SLC6A11: variants seen among roughly 807,000 people sequenced by gnomAD.
SLC6A11 encodes sodium- and chloride-dependent GABA transporter 3.
SLC6A11 carries 25 observed loss-of-function variants against 74.8 expected under a neutral mutation model. The observed-to-expected ratio is 0.33, with a 90% CI of 0.24 to 0.47. SLC6A11 has a LOEUF of 0.47. Among genes scored for constraint, SLC6A11 ranks in the 20% least tolerant of loss-of-function variants. The pLI is 1.00. For missense variants in SLC6A11, 574 were observed against 837.0 expected, an observed-to-expected ratio of 0.69 and a Z score of 3.88; for synonymous variants, 330 against 330.2, an observed-to-expected ratio of 1.00 and a Z score of 0.01.
intron 4 of SLC6A11, among the ~76,000 whole-genome samples, chr3:10,842,299 G>A (rs980546989): frequency 6.6e-6 from 1 of 152,128 alleles, no homozygotes; most frequent in Non-Finnish European, 1.5e-5. Context: ...TACTTCTGTG[G>A]TGCTCAAGCC....
chr3:10,905,036 AT>A (rs1235971218), intron 6 of SLC6A11, among the ~76,000 whole-genome samples: 2 of 152,166 alleles, frequency 1.3e-5, no homozygotes, highest in Non-Finnish European at 2.9e-5. Context: ...TGGTTCATGA[AT>A]GTTCTGTTAG....
chr3:10,863,748 G>A (rs778362861), intron 5 of SLC6A11, among the ~76,000 whole-genome samples: 10 of 152,176 alleles, frequency 6.6e-5, no homozygotes, highest in African/African-American at 9.7e-5. Flanking sequence ...CTCAGGTGAA[G>A]GGTGACATGA....
intron 6 of SLC6A11, among the ~76,000 whole-genome samples, chr3:10,904,009 A>G (rs1156879126): frequency 6.6e-6 from 1 of 152,232 alleles, no homozygotes; most frequent in Non-Finnish European, 1.5e-5. Context: ...GTTTCCAGCA[A>G]CCTACCTGTG....
intron 6 of SLC6A11, among the ~76,000 whole-genome samples, chr3:10,890,061 CT>C (rs1475222714): frequency 2.6e-5 from 4 of 152,134 alleles, no homozygotes; most frequent in Admixed American, 6.5e-5. Flanking sequence ...CTCAGTTCCT[CT>C]GTTTCATTAG....
rs548247884 is a variant in SLC6A11, at chr3:10,935,194, C to A, written c.1741C>A (p.Pro581Thr). The change falls in exon 13 of 14, where the codon CCC (proline) becomes ACC (threonine). Residue 581 changes from proline (P) to threonine (T), a missense_variant. Physicochemically the swap from Pro to Thr is conservative, Grantham distance 38 (BLOSUM62 -1). Around this residue, in one of 4 missense-constraint regions of SLC6A11, gnomAD observed 257 missense variants for 341.5 expected, o/e 0.75. Transcript: ENST00000254488. ...ITVWKTEGTLPEKLQKLTTPS... is the reference protein window; with the variant it reads ...ITVWKTEGTLTEKLQKLTTPS... ...AGTGTGGAAGACGGAGGGGACACTGCCCGAGGTGAGACCGCCCCAGGAGGG... is the reference window on the plus strand; with the variant it reads ...AGTGTGGAAGACGGAGGGGACACTGACCGAGGTGAGACCGCCCCAGGAGGG... 1.2e-6 allele frequency: 2 copies of A among 1,613,930 alleles called. No homozygotes were observed. Among genetic ancestry groups the A allele is most frequent in the Middle Eastern group, 1.7e-4 (1 of 6,060 alleles).
chr3:10,886,772 A>G (rs1695047068), intron 6 of SLC6A11, among the ~76,000 whole-genome samples: 1 of 149,970 alleles, frequency 6.7e-6, no homozygotes, highest in Non-Finnish European at 1.5e-5. Context: ...ATGCCACTGC[A>G]TTCCAGCCTG....
chr3:10,928,571 T>C (rs1186370551), intron 9 of SLC6A11, among the ~76,000 whole-genome samples: 1 of 152,156 alleles, frequency 6.6e-6, no homozygotes, highest in African/African-American at 2.4e-5. Flanking sequence ...ATACAGATGC[T>C]TAGTGGCTCA....
In SLC6A11 at chr3:10,933,290, C is replaced by T. The variant is rs1164451821; in HGVS notation, c.1474+37C>T. 11 of 1,422,226 alleles carry T rather than the reference C, an allele frequency of 7.7e-6. No individual in the cohort carries two copies. The African/African-American group carries it at 1.1e-4, about 15-fold the overall frequency. 88.1% of individuals were successfully genotyped at this position (1,422,226 alleles called of 1,614,324 possible). A position where few individuals can be genotyped will look rare whatever the true frequency, so the allele number is the denominator to read the frequency against. ...CCAAGCCCGTCCACACCCCAGCTGC[C>T]CACCAGGTACCCAGGATCCTGGTGC... is the stretch of plus-strand genomic sequence containing the variant. On this transcript the variant is annotated intron_variant, in intron 11 of 13. Transcript: ENST00000254488.
At chr3:10,901,335 C>G (rs1695237661) in intron 6 of SLC6A11, among the ~76,000 whole-genome samples, 1 of 152,234 alleles carries the variant, frequency 6.6e-6, no homozygotes, top group Non-Finnish European at 1.5e-5. Context: ...TGGGCAAAAG[C>G]CCAGCCACAG....
intron 4 of SLC6A11, among the ~76,000 whole-genome samples, chr3:10,841,067 G>C (rs1694431177): frequency 6.6e-6 from 1 of 152,144 alleles, no homozygotes; most frequent in East Asian, 1.9e-4. Flanking sequence ...GGCCTGAAAA[G>C]GGTGCTTCAT....
At position 10,844,362 on chromosome 3, in the gene SLC6A11, T is replaced by G; in HGVS notation, c.756+16T>G. The stretch of plus-strand genomic sequence containing the variant: ...TACAGGAAAGGTAAGAGGTCGATCT[T>G]CAAGCAGCTAACCGTGGCAGGGGAA... On this transcript the variant is annotated intron_variant, in intron 5 of 13. Coordinates refer to ENST00000254488, the MANE Select transcript of SLC6A11 (RefSeq NM_014229.3). 1 of 1,614,110 alleles carries G rather than the reference T, an allele frequency of 6.2e-7. No homozygotes were observed. The highest frequency in any genetic ancestry group is 8.5e-7 in the Non-Finnish European group (1 of 1,179,980).
chr3:10,816,397 C>T lies in SLC6A11; in HGVS notation c.132C>T (p.Asp44=). Reference sequence around the variant, plus strand: ...CGCGCCACCCGCGCGTCAAGCGCGACAAGGCGGTCCACGAGCGCGGCCACT... The same window carrying T: ...CGCGCCACCCGCGCGTCAAGCGCGATAAGGCGGTCCACGAGCGCGGCCACT... ...APARHPRVKR[D]KAVHERGHWN... is the part of the protein sequence containing the mutation. Residue 44 remains aspartate, a synonymous_variant, in exon 1 of 14, where the codon GAC becomes GAT. Transcript: ENST00000254488. The surrounding 1 kb of genome is among the most constrained non-coding windows in gnomAD (Gnocchi z 4.2). 1 of 1,572,378 alleles carries T rather than the reference C, an allele frequency of 6.4e-7. No homozygotes were observed. The highest frequency in any genetic ancestry group is 1.2e-5 in the South Asian group (1 of 85,996).
intron 9 of SLC6A11, 107 bp from the exon 10 acceptor site, chr3:10,929,095 G>T: frequency 8.7e-7 from 1 of 1,154,890 alleles, no homozygotes; most frequent in Non-Finnish European, 1.3e-6. Context: ...TAATGGGTGT[G>T]GGAATGAAGG....
At chr3:10,817,709 G>T (rs1694081511) in intron 1 of SLC6A11, among the ~76,000 whole-genome samples, 1 of 152,204 alleles carries the variant, frequency 6.6e-6, no homozygotes, top group South Asian at 2.1e-4. Flanking sequence ...GAAGGGTACT[G>T]CTTGGCCCAG....
chr3:10,833,532 G>A (rs9846118), intron 4 of SLC6A11, among the ~76,000 whole-genome samples: 5,731 of 152,246 alleles, frequency 0.038, 355 homozygotes, highest in African/African-American at 0.13. Flanking sequence ...CCCTTCAGCC[G>A]AGGATCAAGG....
chr3:10,832,122 A>G (rs1338288560), intron 4 of SLC6A11, among the ~76,000 whole-genome samples: 2 of 152,250 alleles, frequency 1.3e-5, no homozygotes, highest in Non-Finnish European at 2.9e-5. Flanking sequence ...AAAAAATTCA[A>G]TTTTACCATT....
At chr3:10,911,737 T>C (rs574964313) in intron 6 of SLC6A11, among the ~76,000 whole-genome samples, 1 of 152,148 alleles carries the variant, frequency 6.6e-6, no homozygotes, top group South Asian at 2.1e-4. Context: ...GGTAGGGAAG[T>C]TTCTTCCCTA....
intron 8 of SLC6A11, among the ~76,000 whole-genome samples, chr3:10,925,509 G>A (rs538454045): frequency 1.3e-5 from 2 of 152,280 alleles, no homozygotes; most frequent in Non-Finnish European, 2.9e-5. Flanking sequence ...CTAAAACAAG[G>A]GAGTGTAGAC....
At chr3:10,873,290 G>A (rs1266783076) in intron 5 of SLC6A11, among the ~76,000 whole-genome samples, 1 of 151,780 alleles carries the variant, frequency 6.6e-6, no homozygotes, top group Non-Finnish European at 1.5e-5. Flanking sequence ...AATGGACCAA[G>A]CCCAAATGGT....
Sources: allele counts gnomAD v4.1 joint callset (sites outside exome capture counted in the v4.1 genomes callset), GRCh38; gene constraint gnomAD v4.1.1; regional missense constraint gnomAD v4.1.1; non-coding constraint Gnocchi (gnomAD v3.1); transcripts MANE v1.5; gene names NCBI Gene and HGNC (gene_info 2026-07-23, HGNC 2026-07-21).